LAMA2: variants seen among roughly 807,000 people sequenced by gnomAD.
The protein encoded by LAMA2 is laminin subunit alpha 2.
In LAMA2, 269 loss-of-function variants were observed where a neutral mutation model predicts 364.8. That is an observed-to-expected ratio of 0.74 (90% CI 0.67 to 0.82). LAMA2 has a LOEUF of 0.82. Ranked by LOEUF, LAMA2 falls within the 40% of genes least tolerant of loss-of-function variation. The probability of loss-of-function intolerance (pLI) is 0.00; values close to 1 mark genes in which losing one functional copy is unlikely to be tolerated. For missense variants in LAMA2, 3,807 were observed against 3,873.2 expected (o/e 0.98, Z 0.45); for synonymous variants, 1,379 against 1,370.6 (o/e 1.01, Z -0.14).
rs138435567 is a variant in LAMA2, at chr6:129,089,824, A to G, written c.397-8349A>G. On this transcript the variant is annotated intron_variant, in intron 3 of 64. Transcript: ENST00000421865. ...CTGAGGGAGGACCTTATTCATTCCA[A>G]TTTGGACTCTGCTCACTCGTGTTAC... Among the ~76,000 whole-genome samples the G allele has an allele frequency of 7.1e-3, 1,074 of 152,270 alleles. 9 individuals carry two copies. Among genetic ancestry groups the G allele is most frequent in the African/African-American group, 0.025 (1,027 of 41,550 alleles).
intron 1 of LAMA2, among the ~76,000 whole-genome samples, chr6:129,039,244 G>A (rs1047524158): frequency 7.2e-5 from 11 of 152,122 alleles, no homozygotes; most frequent in African/African-American, 2.4e-4. Context: ...TCACAGAGCA[G>A]GGAATATTTG....
Position 129,353,305 on chromosome 6 carries a change from G to C in LAMA2, c.4665G>C (p.Arg1555Ser), listed in dbSNP as rs768204363. Residue 1555 changes from arginine (R) to serine (S), a missense_variant, in exon 32 of 65, where the codon AGG (arginine) becomes AGC (serine). Transcript: ENST00000421865. ...CGTGCCGACCTGGAGCCACGGGAAG[G>C]AAGTGTGACGGCTGCAAGCACTGGC... ...FCTCRPGATG[R>S]KCDGCKHWHA... 7.4e-6 allele frequency: 12 copies of C among 1,614,140 alleles called. No individual in the cohort carries two copies. Among genetic ancestry groups the C allele is most frequent in the Middle Eastern group, 3.3e-4 (2 of 6,062 alleles).
Position 129,297,821 on chromosome 6 carries a change from G to A in LAMA2, c.2993G>A (p.Arg998His), listed in dbSNP as rs144946631. 501 of 1,613,936 alleles carry A rather than the reference G, an allele frequency of 3.1e-4. No individual in the cohort carries two copies. Among genetic ancestry groups the A allele is most frequent in the Non-Finnish European group, 4.1e-4 (488 of 1,179,914 alleles). The change falls in exon 21 of 65, where the codon CGC (arginine) becomes CAC (histidine). Residue 998 changes from arginine to histidine, a missense_variant. Physicochemically the swap from Arg to His is conservative, Grantham distance 29. Transcript: ENST00000421865. ...QPGVTGKKCD[R>H]CAHGYFNFQE... ...GGAGTCACAGGGAAGAAATGTGACC[G>A]CTGTGCCCACGGCTATTTCAACTTC...
In LAMA2 at chr6:129,342,306, A is replaced by C. The variant is rs144687880; in HGVS notation, c.4312-37A>C. On this transcript the variant is annotated intron_variant, in intron 29 of 64. Transcript: ENST00000421865. The stretch of plus-strand genomic sequence containing the variant: ...ATAAATTACATTCTAACTATCACTA[A>C]ATTAAAAACAAACTTCTTCTCCCTT... 1.6e-5 allele frequency: 26 copies of C among 1,599,122 alleles called. No homozygotes were observed. In the East Asian group the frequency reaches 5.6e-4, roughly 34 times the overall value.
chr6:129,345,958 G>T (rs998321390), intron 30 of LAMA2, among the ~76,000 whole-genome samples: 1 of 152,164 alleles, frequency 6.6e-6, no homozygotes, highest in African/African-American at 2.4e-5. Flanking sequence ...CAGATTCTGA[G>T]GAATAGATGG....
chr6:129,166,607 C>T (rs1168896942), intron 9 of LAMA2, among the ~76,000 whole-genome samples: 1 of 152,146 alleles, frequency 6.6e-6, no homozygotes, highest in Non-Finnish European at 1.5e-5. Flanking sequence ...TAAGCCTTTT[C>T]TCTTTGTGTT....
chr6:128,941,051 T>C (rs9492147), intron 1 of LAMA2, among the ~76,000 whole-genome samples: 19,444 of 152,190 alleles, frequency 0.13, 1,565 homozygotes, highest in African/African-American at 0.23. Context: ...CAGAACCATG[T>C]ATTCCATAAA....
intron 1 of LAMA2, among the ~76,000 whole-genome samples, chr6:128,978,874 G>T (rs544400416): frequency 1.7e-4 from 26 of 152,110 alleles, no homozygotes; most frequent in Admixed American, 6.6e-4. Context: ...TTCAGAGAAG[G>T]CTCCACAGGA....
At chr6:128,916,377 G>C (rs17723217) in intron 1 of LAMA2, among the ~76,000 whole-genome samples, 3,132 of 152,192 alleles carry the variant, frequency 0.021, 45 homozygotes, top group Middle Eastern at 0.031. Flanking sequence ...ATAATAATCA[G>C]AGAGAACACC....
At chr6:129,270,049 G>A (rs1425567557) in intron 16 of LAMA2, among the ~76,000 whole-genome samples, 1 of 152,024 alleles carries the variant, frequency 6.6e-6, no homozygotes, top group Admixed American at 6.6e-5. Context: ...TATGAGTCAA[G>A]CAAGCTTCTC....
chr6:129,279,918 C>CTA lies in LAMA2; in HGVS notation c.2451-142_2451-141dup, dbSNP rs1788602179. 4.2e-6 allele frequency: 3 copies of CTA among 718,258 alleles called. No individual in the cohort carries two copies. The Admixed American group carries it at 6.0e-5, about 14-fold the overall frequency. The allele number at this position is 718,258 out of a possible 1,614,324, so 44.5% of individuals were successfully genotyped here. On this transcript the variant is annotated intron_variant, in intron 17 of 64. Transcript: ENST00000421865. ...CATTTCATCCTCCATTGGCCAGACC[C>CTA]TAATCTCTGTCTCTGGGGTGAGAAT...
intron 3 of LAMA2, among the ~76,000 whole-genome samples, chr6:129,089,120 C>G (rs774347102): frequency 1.3e-4 from 20 of 152,204 alleles, no homozygotes; most frequent in African/African-American, 3.6e-4. Context: ...GAGACCAGCC[C>G]GGTAGATGAT....
chr6:129,168,558 G>A (rs1439586720), intron 9 of LAMA2, among the ~76,000 whole-genome samples: 1 of 150,128 alleles, frequency 6.7e-6, no homozygotes, highest in African/African-American at 2.4e-5. Context: ...TGCTGTTTTG[G>A]TTACTGTAGA....
chr6:129,367,562 T>C (rs1777844988), intron 33 of LAMA2, among the ~76,000 whole-genome samples: 1 of 152,252 alleles, frequency 6.6e-6, no homozygotes, highest in Admixed American at 6.5e-5. Flanking sequence ...GACACAATTT[T>C]AGTAGAGAAG....
intron 32 of LAMA2, among the ~76,000 whole-genome samples, chr6:129,364,576 A>G (rs190476789): frequency 7.9e-5 from 12 of 152,316 alleles, no homozygotes; most frequent in Admixed American, 7.8e-4. Flanking sequence ...AAAAGATTCA[A>G]TATATGTTAA....
At chr6:129,079,146 T>G (rs951620726) in intron 3 of LAMA2, among the ~76,000 whole-genome samples, 1 of 152,172 alleles carries the variant, frequency 6.6e-6, no homozygotes, top group African/African-American at 2.4e-5. Context: ...CTTCAATCTT[T>G]AAGGTTTCAG....
Position 129,297,779 on chromosome 6 carries a change from A to G in LAMA2, c.2951A>G (p.Gln984Arg). 6.2e-7 allele frequency: 1 copy of G among 1,614,144 alleles called. No individual in the cohort carries two copies. The highest frequency in any genetic ancestry group is 8.5e-7 in the Non-Finnish European group (1 of 1,179,996). Residue 984 changes from glutamine to arginine, a missense_variant, in exon 21 of 65, where the codon CAA (glutamine) becomes CGA (arginine). Gln to Arg is a conservative substitution (Grantham distance 43). This residue lies in a region of LAMA2 where 3,333 missense variants were observed against 3,345.7 expected (regional missense o/e 1.00). Coordinates refer to ENST00000421865, the MANE Select transcript of LAMA2 (RefSeq NM_000426.4). ...TCATTCGACTGTGAAGAGAGTGGAC[A>G]ATGTTGGTGCCAACCTGGAGTCACA... ...SKSFDCEESG[Q>R]CWCQPGVTGK...
chr6:129,065,403 C>A (rs1179135763), intron 3 of LAMA2, among the ~76,000 whole-genome samples: 1 of 151,864 alleles, frequency 6.6e-6, no homozygotes, highest in African/African-American at 2.4e-5. Flanking sequence ...GAAGACCTAG[C>A]CAGAGAAATC....
At chr6:129,490,264 A>G (rs1166784219) in intron 56 of LAMA2, among the ~76,000 whole-genome samples, 1 of 152,206 alleles carries the variant, frequency 6.6e-6, no homozygotes, top group African/African-American at 2.4e-5. Flanking sequence ...CATCTTATAA[A>G]TGAATGAAAT....
Sources: allele counts gnomAD v4.1 joint callset (sites outside exome capture counted in the v4.1 genomes callset), GRCh38; gene constraint gnomAD v4.1.1; regional missense constraint gnomAD v4.1.1; transcripts MANE v1.5; gene names NCBI Gene and HGNC (gene_info 2026-07-23, HGNC 2026-07-21).